The following CPQ variants were observed in gnomAD, a reference collection of about 807,000 sequenced individuals.
CPQ encodes the protein carboxypeptidase Q.
Under a neutral mutation model 45.7 loss-of-function variants are expected in CPQ, and 37 were observed. The ratio of observed to expected loss-of-function variants is 0.81; its 90% CI spans 0.62 to 1.07. The LOEUF is 1.07. Among genes scored for constraint, CPQ ranks in the 50% least tolerant of loss-of-function variants. CPQ has a pLI of 0.00. For synonymous variants in CPQ, 186 were observed against 205.8 expected, an observed-to-expected ratio of 0.90 and a Z score of 0.82; for missense variants, 537 against 572.9, an observed-to-expected ratio of 0.94 and a Z score of 0.64.
intron 1 of CPQ, among the ~76,000 whole-genome samples, chr8:96,668,581 C>T (rs1252746534): frequency 1.3e-5 from 2 of 152,138 alleles, no homozygotes; most frequent in African/African-American, 4.8e-5. Context: ...GCATTTTACA[C>T]AGTGTGTTGT....
chr8:97,047,568 C>A (rs1442812181), intron 6 of CPQ, among the ~76,000 whole-genome samples: 1 of 152,154 alleles, frequency 6.6e-6, no homozygotes, highest in Non-Finnish European at 1.5e-5. Context: ...TATATTCACA[C>A]TTTCTTGGTA....
At chr8:97,049,959 G>GTACTT (rs1035093565) in intron 6 of CPQ, among the ~76,000 whole-genome samples, 1 of 152,056 alleles carries the variant, frequency 6.6e-6, no homozygotes, top group Non-Finnish European at 1.5e-5. Flanking sequence ...TTTTTCCTCT[G>GTACTT]TACTTTCAAT....
At chr8:96,967,692 T>C (rs1305069745) in intron 5 of CPQ, among the ~76,000 whole-genome samples, 1 of 152,210 alleles carries the variant, frequency 6.6e-6, no homozygotes, top group Non-Finnish European at 1.5e-5. Context: ...TGTAAAGATA[T>C]GAATAGAACT....
intron 5 of CPQ, among the ~76,000 whole-genome samples, chr8:96,978,912 G>A (rs1272413410): frequency 2.6e-5 from 4 of 152,116 alleles, no homozygotes; most frequent in African/African-American, 9.7e-5. Context: ...TCAATAAGAA[G>A]CTTTGACTGC....
chr8:97,134,289 A>G (rs555332955), intron 7 of CPQ, among the ~76,000 whole-genome samples: 1 of 152,374 alleles, frequency 6.6e-6, no homozygotes, highest in Admixed American at 6.5e-5. Context: ...AAGACAGACA[A>G]CAATAATAAA....
chr8:97,124,917 A>G (rs1811820010), intron 7 of CPQ, among the ~76,000 whole-genome samples: 1 of 152,170 alleles, frequency 6.6e-6, no homozygotes, highest in African/African-American at 2.4e-5. Context: ...AAAAGTAGAA[A>G]TCAATGAAAT....
At chr8:96,741,724 C>T (rs191320834) in intron 1 of CPQ, among the ~76,000 whole-genome samples, 122 of 151,960 alleles carry the variant, frequency 8.0e-4, no homozygotes, top group African/African-American at 2.7e-3. Flanking sequence ...GCCTTCATTT[C>T]GTTATGTACC....
intron 1 of CPQ, among the ~76,000 whole-genome samples, chr8:96,782,383 A>G (rs1227007691): frequency 6.6e-6 from 1 of 152,096 alleles, no homozygotes; most frequent in Non-Finnish European, 1.5e-5. Context: ...GGAGCAGCTT[A>G]AGGGCACTGC....
At chr8:96,952,036 G>GAA (rs1405117440) in intron 4 of CPQ, among the ~76,000 whole-genome samples, 1 of 152,042 alleles carries the variant, frequency 6.6e-6, no homozygotes, top group African/African-American at 2.4e-5. Flanking sequence ...TACAGAGAGA[G>GAA]AAACAAAGGT....
intron 5 of CPQ, among the ~76,000 whole-genome samples, chr8:96,972,741 A>G (rs547805415): frequency 6.6e-6 from 1 of 152,342 alleles, no homozygotes; most frequent in South Asian, 2.1e-4. Context: ...TACCAGCCTG[A>G]AGCCCAGTAG....
chr8:97,033,052 G>C (rs1809935817), intron 6 of CPQ, among the ~76,000 whole-genome samples: 2 of 152,100 alleles, frequency 1.3e-5, no homozygotes, highest in Non-Finnish European at 2.9e-5. Context: ...GTGATCAAGA[G>C]GGGAGAGAAG....
At chr8:97,105,140 C>T (rs953708690) in intron 7 of CPQ, among the ~76,000 whole-genome samples, 1 of 151,944 alleles carries the variant, frequency 6.6e-6, no homozygotes, top group African/African-American at 2.4e-5. Flanking sequence ...CGGGTTATAG[C>T]TTAACCTAAG....
chr8:96,788,596 T>C (rs1163271165), intron 2 of CPQ, among the ~76,000 whole-genome samples: 1 of 152,128 alleles, frequency 6.6e-6, no homozygotes, highest in African/African-American at 2.4e-5. Context: ...CTAATGTATC[T>C]AGGTATATAT....
chr8:96,744,855 T>C (rs958832073), intron 1 of CPQ, among the ~76,000 whole-genome samples: 1 of 152,230 alleles, frequency 6.6e-6, no homozygotes, highest in African/African-American at 2.4e-5. Flanking sequence ...TATCATCTTA[T>C]AATGGTTTGG....
intron 1 of CPQ, among the ~76,000 whole-genome samples, chr8:96,692,447 T>C (rs1809317044): frequency 6.6e-6 from 1 of 152,214 alleles, no homozygotes; most frequent in African/African-American, 2.4e-5. Flanking sequence ...GCAGGGTTGC[T>C]TGTGCCACCC....
At chr8:97,029,586 T>C in intron 6 of CPQ, 92 bp downstream of exon 6, 1 of 1,173,748 alleles carries the variant, frequency 8.5e-7, no homozygotes, top group South Asian at 1.3e-5. Flanking sequence ...TAATACTTTC[T>C]GGTCAACTGG....
At chr8:97,031,224 T>C (rs921073116) in intron 6 of CPQ, among the ~76,000 whole-genome samples, 1 of 148,588 alleles carries the variant, frequency 6.7e-6, no homozygotes, top group African/African-American at 2.5e-5. Flanking sequence ...TCTCACTTTG[T>C]TGCCCAGGCT....
chr8:96,879,894 T>G lies in CPQ; in HGVS notation c.738T>G (p.Ala246=). ...ATGCAGAAATGATGTCAAGAATGGC[T>G]TCTCATGGGATCAAAATTGTCATTC... ...VEDAEMMSRM[A]SHGIKIVIQL... The change falls in exon 4 of 8, where the codon GCT becomes GCG. Residue 246 remains alanine (A), a synonymous_variant. Coordinates refer to ENST00000220763, the MANE Select transcript of CPQ (RefSeq NM_016134.4). 1 of 1,614,082 alleles carries G rather than the reference T, an allele frequency of 6.2e-7. No individual in the cohort carries two copies.
chr8:96,822,951 C>T (rs944548582), intron 2 of CPQ, among the ~76,000 whole-genome samples: 2 of 152,000 alleles, frequency 1.3e-5, no homozygotes, highest in African/African-American at 4.8e-5. Context: ...GTTGCTTACA[C>T]ACCATAGAAG....
Sources: allele counts gnomAD v4.1 joint callset (sites outside exome capture counted in the v4.1 genomes callset), GRCh38; gene constraint gnomAD v4.1.1; transcripts MANE v1.5; gene names NCBI Gene and HGNC (gene_info 2026-07-23, HGNC 2026-07-21).